Variants in C11orf65 observed in about 807,000 individuals in gnomAD.
C11orf65 encodes chromosome 11 open reading frame 65.
A neutral mutation model predicts 35.3 loss-of-function variants in C11orf65; 38 were observed. That is an observed-to-expected ratio of 1.08 (90% CI 0.83 to 1.41). The LOEUF is 1.41. C11orf65 is among the 40% of genes most tolerant of loss of function. C11orf65 has a pLI of 0.00. For missense variants in C11orf65, 370 were observed against 367.1 expected (o/e 1.01, Z -0.06); for synonymous variants, 105 against 114.4 (o/e 0.92, Z 0.53).
At chr11:108,364,721 C>G (rs948410342) in intron 2 of C11orf65, among the ~76,000 whole-genome samples, 16 of 152,156 alleles carry the variant, frequency 1.1e-4, no homozygotes. Flanking sequence ...TTGAGACAGC[C>G]TGGGCTGAGG....
rs786203415 is a variant in C11orf65, at chr11:108,345,898, T to C, written c.227-10606A>G. On this transcript the variant is annotated intron_variant, in intron 2 of 3. Transcript: ENST00000524755. ...TGGCTTATACGCGCAGTGTAGCTAC[T>C]TCTTCTATTGGTAATCTTCTTGTAC... The C allele has an allele frequency of 6.4e-5, 104 of 1,613,562 alleles. No homozygotes were observed. The highest frequency in any genetic ancestry group is 1.6e-4 in the Middle Eastern group (1 of 6,076).
At chr11:108,444,009 C>T (rs941335191) in intron 2 of C11orf65, among the ~76,000 whole-genome samples, 5 of 151,978 alleles carry the variant, frequency 3.3e-5, no homozygotes, top group African/African-American at 1.2e-4. Flanking sequence ...AAAAACCCTT[C>T]AAAAAATCAA....
At chr11:108,454,349 G>A (rs1420561601) in intron 2 of C11orf65, among the ~76,000 whole-genome samples, 4 of 150,282 alleles carry the variant, frequency 2.7e-5, no homozygotes, top group Non-Finnish European at 5.9e-5. Flanking sequence ...CCCAGGCTGG[G>A]GTGCAATGGC....
At chr11:108,316,850 T>G (rs1838927867) in intron 6 of C11orf65, among the ~76,000 whole-genome samples, 1 of 151,022 alleles carries the variant, frequency 6.6e-6, no homozygotes, top group African/African-American at 2.4e-5. Flanking sequence ...GGCGTGAACC[T>G]GGGAGGCAGA....
chr11:108,468,930 C>T (rs1190483172), upstream of C11orf65, among the ~76,000 whole-genome samples: 1 of 151,966 alleles, frequency 6.6e-6, no homozygotes, highest in African/African-American at 2.4e-5. Context: ...ATGGTGAAAC[C>T]CCCTCTCTAC....
intron 6 of C11orf65, chr11:108,321,489 A>G (rs1193765480): frequency 3.7e-6 from 6 of 1,607,686 alleles, no homozygotes; most frequent in Non-Finnish European, 5.1e-6. Context: ...ACTTTAAAAA[A>G]TAAAAACTAT....
intron 2 of C11orf65, among the ~76,000 whole-genome samples, chr11:108,455,181 G>T (rs1333271529): frequency 6.6e-6 from 1 of 152,108 alleles, no homozygotes; most frequent in Non-Finnish European, 1.5e-5. Context: ...TCTTCTCTAA[G>T]ATCAGGAACA....
chr11:108,389,382 T>C (rs2138366930), intron 7 of C11orf65, among the ~76,000 whole-genome samples: 1 of 152,346 alleles, frequency 6.6e-6, no homozygotes, highest in East Asian at 1.9e-4. Context: ...TGTGGCCAAG[T>C]AGTGCTACTG....
chr11:108,366,696 T>C (rs544263102), intron 2 of C11orf65: 5 of 231,370 alleles, frequency 2.2e-5, no homozygotes, highest in South Asian at 1.8e-4. Flanking sequence ...TAAATACTGA[T>C]AGGAGATTTC....
At chr11:108,334,134 A>G (rs1307272009) in intron 3 of C11orf65, among the ~76,000 whole-genome samples, 1 of 152,154 alleles carries the variant, frequency 6.6e-6, no homozygotes, top group Non-Finnish European at 1.5e-5. Flanking sequence ...CCCAAGCCCT[A>G]AAATACTCAA....
At chr11:108,428,554 C>A (rs1323074163) in intron 3 of C11orf65, among the ~76,000 whole-genome samples, 2 of 152,154 alleles carry the variant, frequency 1.3e-5, no homozygotes, top group African/African-American at 4.8e-5. Flanking sequence ...AGCAAACTAA[C>A]ACAGGAACAG....
At chr11:108,309,841 T>A (rs1396593732) in intron 6 of C11orf65, among the ~76,000 whole-genome samples, 1 of 152,154 alleles carries the variant, frequency 6.6e-6, no homozygotes, top group East Asian at 1.9e-4. Flanking sequence ...GTGTATCCTA[T>A]TCTTAGTCTG....
At chr11:108,360,207 A>G (rs1203615764) in intron 2 of C11orf65, among the ~76,000 whole-genome samples, 2 of 150,516 alleles carry the variant, frequency 1.3e-5, no homozygotes, top group South Asian at 4.2e-4. Flanking sequence ...AGAAATGGAT[A>G]AATTCCTCGA....
downstream of C11orf65, chr11:108,330,281 C>G (rs730881383): frequency 2.0e-5 from 33 of 1,614,040 alleles, no homozygotes; most frequent in Admixed American, 1.0e-4. Flanking sequence ...GAAAGAGGAT[C>G]GTAAACGCTT....
At chr11:108,408,548 T>C (rs2092589144) in intron 3 of C11orf65, among the ~76,000 whole-genome samples, 1 of 151,624 alleles carries the variant, frequency 6.6e-6, no homozygotes, top group South Asian at 2.1e-4. Flanking sequence ...TGGTGTCGGA[T>C]GCCTGTAATT....
chr11:108,393,514 T>C (rs1290842968), intron 6 of C11orf65, 136 bp from the exon 7 acceptor site: 1 of 769,082 alleles, frequency 1.3e-6, no homozygotes. Context: ...CCTATATAAC[T>C]CAGATGCATC....
intron 6 of C11orf65, among the ~76,000 whole-genome samples, chr11:108,313,419 C>A (rs1330119800): frequency 1.3e-5 from 2 of 152,196 alleles, no homozygotes; most frequent in Admixed American, 6.5e-5. Context: ...CATTTCCCCC[C>A]CTTCCATTTA....
chr11:108,350,307 A>G (rs2089028875), intron 2 of C11orf65, among the ~76,000 whole-genome samples: 1 of 152,206 alleles, frequency 6.6e-6, no homozygotes, highest in Admixed American at 6.5e-5. Context: ...GAGAGTAATC[A>G]AACTTATTGT....
intron 6 of C11orf65, chr11:108,309,137 C>T: frequency 2.2e-6 from 2 of 917,802 alleles, no homozygotes; most frequent in Non-Finnish European, 1.7e-6. Context: ...CAAGCTTGTG[C>T]TGTGTAAAAA....
Sources: allele counts gnomAD v4.1 joint callset (sites outside exome capture counted in the v4.1 genomes callset), GRCh38; gene constraint gnomAD v4.1.1; transcripts MANE v1.5; gene names NCBI Gene and HGNC (gene_info 2026-07-23, HGNC 2026-07-21).